Variants in DNAH3 observed in about 807,000 individuals in gnomAD.
DNAH3 encodes the protein axonemal beta dynein heavy chain 3.
DNAH3 carries 332 observed loss-of-function variants against 432.5 expected under a neutral mutation model. That is an observed-to-expected ratio of 0.77 (90% CI 0.70 to 0.84). DNAH3 has a LOEUF of 0.84. DNAH3 is among the 40% of genes least tolerant of loss of function. The pLI, the probability that DNAH3 is intolerant of heterozygous loss-of-function variation, is 0.00. For synonymous variants in DNAH3, 1,956 were observed against 1,900.2 expected, an observed-to-expected ratio of 1.03 and a Z score of -0.76; for missense variants, 4,861 against 5,114.0, an observed-to-expected ratio of 0.95 and a Z score of 1.51.
rs138171276 is a variant in DNAH3 at position 20,982,823 on chromosome 16, C to T, written c.7757G>A (p.Cys2586Tyr). The T allele has an allele frequency of 1.8e-4, 285 of 1,614,082 alleles. 1 individual carries two copies. Among genetic ancestry groups the T allele is most frequent in the Admixed American group, 1.4e-3 (83 of 60,000 alleles). Residue 2586 changes from cysteine to tyrosine, a missense_variant, in exon 49 of 62, where the codon TGC (cysteine) becomes TAC (tyrosine). Coordinates refer to ENST00000261383, the Ensembl canonical transcript of DNAH3. ...GGACTGGAACCAATCAATCGTACAG[C>T]AATTGATCAGCGAAGGGAACATCCG...
At chr16:20,945,647 T>C (rs924930412) in intron 57 of DNAH3, among the ~76,000 whole-genome samples, 1 of 152,138 alleles carries the variant, frequency 6.6e-6, no homozygotes. Context: ...TATGCCATCA[T>C]GCCCGGCTAA....
chr16:21,080,367 T>C (rs569775043), intron 20 of DNAH3, among the ~76,000 whole-genome samples: 93 of 152,286 alleles, frequency 6.1e-4, no homozygotes, highest in Non-Finnish European at 1.2e-3. Flanking sequence ...AAGACACAGG[T>C]GAAATTAGTT....
chr16:21,083,235 C>T (rs770728166), intron 19 of DNAH3, among the ~76,000 whole-genome samples: 12 of 152,156 alleles, frequency 7.9e-5, no homozygotes, highest in Non-Finnish European at 1.0e-4. Flanking sequence ...AGACTGCTCT[C>T]GAACTCCTGA....
intron 3 of DNAH3, among the ~76,000 whole-genome samples, chr16:21,143,377 C>T (rs948904491): frequency 6.6e-6 from 1 of 152,146 alleles, no homozygotes; most frequent in African/African-American, 2.4e-5. Flanking sequence ...TTTCTCACCC[C>T]TTCTCCCATG....
At chr16:20,979,283 C>G in intron 50 of DNAH3, 47 bp downstream of exon 50, 1 of 1,587,886 alleles carries the variant, frequency 6.3e-7, no homozygotes, top group Non-Finnish European at 8.6e-7. Context: ...GGCACATCCA[C>G]CTCGTCCCGG....
intron 51 of DNAH3, among the ~76,000 whole-genome samples, chr16:20,974,977 C>A (rs1289615469): frequency 6.9e-6 from 1 of 144,962 alleles, no homozygotes; most frequent in East Asian, 2.0e-4. Flanking sequence ...CGCCACCACA[C>A]CTGGCTAGTT....
At chr16:20,976,898 A>G (rs1236963671) in intron 50 of DNAH3, among the ~76,000 whole-genome samples, 1 of 152,232 alleles carries the variant, frequency 6.6e-6, no homozygotes, top group Non-Finnish European at 1.5e-5. Flanking sequence ...AACTATGAGA[A>G]GTAAACGTTT....
chr16:21,142,282 G>A (rs1252823586), intron 3 of DNAH3, among the ~76,000 whole-genome samples: 3 of 152,010 alleles, frequency 2.0e-5, no homozygotes, highest in Non-Finnish European at 2.9e-5. Flanking sequence ...CAGAAGAATC[G>A]CTTGAACCCT....
chr16:20,975,501 G>A (rs2085546304), intron 50 of DNAH3, 86 bp from the exon 51 acceptor site: 1 of 1,292,808 alleles, frequency 7.7e-7, no homozygotes, highest in Admixed American at 2.1e-5. Context: ...TCCAACCTAT[G>A]ACATAAGCAG....
chr16:20,964,159 A>G (rs1567539203), exon 53 of DNAH3: 2 of 1,614,050 alleles, frequency 1.2e-6, no homozygotes, highest in Non-Finnish European at 1.7e-6. Flanking sequence ...AACCTCCAAG[A>G]TCTTATCTTC....
At chr16:20,970,480 T>C (rs2085288178) in intron 51 of DNAH3, among the ~76,000 whole-genome samples, 1 of 152,200 alleles carries the variant, frequency 6.6e-6, no homozygotes, top group African/African-American at 2.4e-5. Context: ...GCTGAGATTT[T>C]GCCATTGCAC....
intron 46 of DNAH3, 56 bp downstream of exon 46, chr16:20,987,637 T>C (rs2086263034): frequency 6.3e-7 from 1 of 1,591,848 alleles, no homozygotes; most frequent in Admixed American, 1.7e-5. Flanking sequence ...TACTACATGT[T>C]CTATGTAGCC....
At position 21,058,446 on chromosome 16, in the gene DNAH3, A is replaced by C. The variant is rs142351292; in HGVS notation, c.3814-250T>G. Among the ~76,000 whole-genome samples, 21 of 152,188 alleles carry C rather than the reference A, an allele frequency of 1.4e-4. No individual in the cohort carries two copies. In the East Asian group the frequency reaches 4.1e-3, roughly 29 times the overall value. ...ATTTTTTCCATGCTCCCATTTATCAAATTTTTCCATAGTTATAATCAAGGT... is the reference window on the plus strand; with the variant it reads ...ATTTTTTCCATGCTCCCATTTATCACATTTTTCCATAGTTATAATCAAGGT... On this transcript the variant is annotated intron_variant, in intron 26 of 61. Transcript: ENST00000261383.
intron 1 of DNAH3, among the ~76,000 whole-genome samples, chr16:21,157,221 C>G (rs1597509688): frequency 6.6e-6 from 1 of 152,020 alleles, no homozygotes; most frequent in East Asian, 1.9e-4. Context: ...CATCATAAAT[C>G]ATCATCCCAA....
intron 12 of DNAH3, 86 bp from the exon 13 acceptor site, chr16:21,112,184 A>G: frequency 1.1e-6 from 1 of 881,824 alleles, no homozygotes; most frequent in Non-Finnish European, 1.8e-6. Flanking sequence ...AAGACATAGT[A>G]GCATTTTAAA....
chr16:20,985,057 A>G, intron 48 of DNAH3: 1 of 1,601,950 alleles, frequency 6.2e-7, no homozygotes, highest in Non-Finnish European at 8.5e-7. Flanking sequence ...ACCGAGGACA[A>G]TGTGAAGGTT....
chr16:21,139,759 T>C (rs941875025), intron 5 of DNAH3, among the ~76,000 whole-genome samples: 5 of 145,636 alleles, frequency 3.4e-5, no homozygotes, highest in African/African-American at 5.1e-5. Flanking sequence ...TGAGTCACCA[T>C]GCCCAGCCAC....
intron 40 of DNAH3, among the ~76,000 whole-genome samples, chr16:21,021,338 G>A (rs572467258): frequency 2.6e-5 from 4 of 152,100 alleles, no homozygotes; most frequent in African/African-American, 9.7e-5. Flanking sequence ...GGTAAGACAG[G>A]GGTCCTGCTA....
At chr16:20,941,657 C>T (rs2083814842) in intron 58 of DNAH3, 114 bp from the exon 59 acceptor site, 2 of 1,318,566 alleles carry the variant, frequency 1.5e-6, no homozygotes, top group Non-Finnish European at 2.1e-6. Flanking sequence ...GTGGGACTTT[C>T]CTGAGAACTC....
Sources: allele counts gnomAD v4.1 joint callset (sites outside exome capture counted in the v4.1 genomes callset), GRCh38; gene constraint gnomAD v4.1.1; transcripts MANE v1.5; gene names NCBI Gene and HGNC (gene_info 2026-07-23, HGNC 2026-07-21).